The following CEP78 variants were observed in gnomAD, a reference collection of about 807,000 sequenced individuals.
CEP78 encodes centrosomal protein 78.
A neutral mutation model predicts 81.2 loss-of-function variants in CEP78; 76 were observed. That is an observed-to-expected ratio of 0.94 (90% CI 0.78 to 1.13). CEP78 has a LOEUF of 1.13. Ranked by LOEUF, CEP78 falls within the 50% of genes most tolerant of loss-of-function variation. The pLI is 0.00. For missense variants in CEP78, 918 were observed against 846.8 expected (o/e 1.08, Z -1.04); for synonymous variants, 293 against 301.4 (o/e 0.97, Z 0.29).
chr9:78,248,168 T>C lies in CEP78; in HGVS notation c.893-123T>C, dbSNP rs1239287188. 4.5e-6 allele frequency: 3 copies of C among 673,262 alleles called. No individual in the cohort carries two copies. In the African/African-American group the frequency reaches 5.5e-5, roughly 12 times the overall value. The allele number at this position is 673,262 out of a possible 1,614,324, so 41.7% of individuals were successfully genotyped here. ...AAGGGGGAAAAGGTATTTAATTACA[T>C]TATGTGGAATTCATATTCAATTTCA... On this transcript the variant is annotated intron_variant, in intron 6 of 16. Transcript: ENST00000643273.
At chr9:78,237,943 G>A (rs1434708385) in intron 1 of CEP78, among the ~76,000 whole-genome samples, 2 of 98,466 alleles carry the variant, frequency 2.0e-5, no homozygotes, top group Non-Finnish European at 3.9e-5. Flanking sequence ...AACCCCATCT[G>A]TACTAAAAAT....
At chr9:78,253,301 T>A in intron 10 of CEP78, 24 bp downstream of exon 10, 1 of 1,094,498 alleles carries the variant, frequency 9.1e-7, no homozygotes, top group Non-Finnish European at 1.4e-6. Flanking sequence ...ATGTTTATAA[T>A]ATGTAGGGGA....
At chr9:78,270,743 C>G in intron 16 of CEP78, 98 bp from the exon 17 acceptor site, 1 of 601,176 alleles carries the variant, frequency 1.7e-6, no homozygotes, top group Non-Finnish European at 3.0e-6. Context: ...AGAGGATCGG[C>G]ATGATAGGAG....
chr9:78,255,935 A>G (rs1312324380), intron 11 of CEP78, among the ~76,000 whole-genome samples: 1 of 152,214 alleles, frequency 6.6e-6, no homozygotes, highest in African/African-American at 2.4e-5. Context: ...TGGGGAGACC[A>G]AGAAGGTTAG....
intron 11 of CEP78, among the ~76,000 whole-genome samples, chr9:78,261,314 G>A (rs1008645589): frequency 6.6e-6 from 1 of 152,144 alleles, no homozygotes; most frequent in Non-Finnish European, 1.5e-5. Context: ...TCAAGCCCTT[G>A]ATATTCAAGG....
chr9:78,265,625 T>C, intron 14 of CEP78, 82 bp downstream of exon 14: 1 of 1,314,376 alleles, frequency 7.6e-7, no homozygotes, highest in Non-Finnish European at 1.0e-6. Flanking sequence ...AAAAGAATAA[T>C]GATCTGTGCA....
chr9:78,253,507 G>T (rs1826864649), intron 10 of CEP78: 6 of 428,194 alleles, frequency 1.4e-5, no homozygotes, highest in Admixed American at 1.1e-4. Context: ...ATTTCTCTGG[G>T]TCCACAAATC....
chr9:78,268,248 C>T (rs1006459787), intron 16 of CEP78, among the ~76,000 whole-genome samples: 2 of 152,044 alleles, frequency 1.3e-5, no homozygotes, highest in African/African-American at 4.8e-5. Flanking sequence ...GAAGGATACT[C>T]AGGGCAGAGG....
chr9:78,237,711 G>C (rs1263803374), intron 1 of CEP78, among the ~76,000 whole-genome samples: 1 of 152,130 alleles, frequency 6.6e-6, no homozygotes, highest in Admixed American at 6.6e-5. Flanking sequence ...TGATGAGATG[G>C]AATTTCCGTA....
chr9:78,264,204 C>T lies in CEP78; in HGVS notation c.1513C>T (p.Leu505Phe). The T allele has an allele frequency of 6.3e-7, 1 of 1,584,632 alleles. No individual in the cohort carries two copies. Among genetic ancestry groups the T allele is most frequent in the Non-Finnish European group, 8.6e-7 (1 of 1,166,712 alleles). The part of the protein sequence containing the change: ...RNINFSLSEA[L>F]HAQSLTNMIL... ...TATAAATTTCTCTTTGTCTGAAGCCCTTCATGCACAGTCATTGACAAATAT... is the reference window on the plus strand; with the variant it reads ...TATAAATTTCTCTTTGTCTGAAGCCTTTCATGCACAGTCATTGACAAATAT... Residue 505 changes from leucine (L) to phenylalanine (F), a missense_variant, in exon 13 of 17, where the codon CTT becomes TTT. Coordinates refer to ENST00000643273, the MANE Select transcript of CEP78 (RefSeq NM_001330691.3).
At chr9:78,255,883 C>A (rs904673084) in intron 11 of CEP78, among the ~76,000 whole-genome samples, 7 of 151,980 alleles carry the variant, frequency 4.6e-5, no homozygotes, top group African/African-American at 1.7e-4. Flanking sequence ...TTTTCTTCAC[C>A]AGGGGATTAG....
intron 16 of CEP78, among the ~76,000 whole-genome samples, chr9:78,269,908 A>G (rs1400120144): frequency 6.6e-6 from 1 of 152,244 alleles, no homozygotes; most frequent in Non-Finnish European, 1.5e-5. Flanking sequence ...AAGCAGGGAC[A>G]TGAGATACTT....
chr9:78,253,160 G>A (rs1408645721), intron 9 of CEP78, 72 bp from the exon 10 acceptor site: 5 of 735,404 alleles, frequency 6.8e-6, no homozygotes, highest in Admixed American at 4.0e-5. Context: ...ATACTAGCAA[G>A]TGTTATTACC....
At position 78,241,586 on chromosome 9, in the gene CEP78, A is replaced by G. The variant is rs1826230304; in HGVS notation, c.500-110A>G. 1.5e-5 allele frequency: 8 copies of G among 521,984 alleles called. No homozygotes were observed. In the South Asian group the frequency reaches 2.5e-4, roughly 16 times the overall value. 32.3% of individuals were successfully genotyped at this position (521,984 alleles called of 1,614,324 possible). A position where few individuals can be genotyped will look rare whatever the true frequency, so the allele number is the denominator to read the frequency against. On this transcript the variant is annotated intron_variant, in intron 3 of 16. Coordinates refer to ENST00000643273, the MANE Select transcript of CEP78 (RefSeq NM_001330691.3). Reference sequence around the variant, plus strand: ...TAGGTAGATTGTAAATAGTGATTTTAAGAATACAACTATAAAATAGAAAAG... The same window carrying G: ...TAGGTAGATTGTAAATAGTGATTTTGAGAATACAACTATAAAATAGAAAAG...
rs1825937981 is a variant in CEP78, at chr9:78,236,437, G to T, written c.87G>T (p.Val29=). 1 of 1,601,908 alleles carries T rather than the reference G, an allele frequency of 6.2e-7. No individual in the cohort carries two copies. The highest frequency in any genetic ancestry group is 1.3e-5 in the African/African-American group (1 of 74,884). The change falls in exon 1 of 17, where the codon GTG becomes GTT. Residue 29 remains valine (V), a synonymous_variant. Coordinates refer to ENST00000643273, the MANE Select transcript of CEP78 (RefSeq NM_001330691.3). ...YEYLCALQNS[V]PLPAVRACLR... The stretch of plus-strand genomic sequence containing the variant: ...ACCTGTGCGCGCTGCAGAACTCGGT[G>T]CCGCTGCCCGCCGTGCGCGCCTGTC...
chr9:78,242,200 A>T lies in CEP78; in HGVS notation c.603+401A>T, dbSNP rs186229104. ...ATGGCCTGTGGACCAAATCTAGCCT[A>T]TCACCTATTTTTGTAAATAAAGTTT... On this transcript the variant is annotated intron_variant, in intron 4 of 16. Coordinates refer to ENST00000643273, the MANE Select transcript of CEP78 (RefSeq NM_001330691.3). Among the ~76,000 whole-genome samples the T allele has an allele frequency of 3.0e-4, 46 of 152,240 alleles. No homozygotes were observed. In the East Asian group the frequency reaches 8.5e-3, roughly 28 times the overall value.
intron 1 of CEP78, among the ~76,000 whole-genome samples, chr9:78,237,955 C>CAAAAAAAAA (rs557546978): frequency 3.2e-4 from 34 of 106,016 alleles, no homozygotes; most frequent in Non-Finnish European, 3.8e-4. Context: ...ACTAAAAATA[C>CAAAAAAAAA]AAAAAAAAAA....
At chr9:78,243,910 T>C (rs942991688) in intron 5 of CEP78, among the ~76,000 whole-genome samples, 4 of 151,910 alleles carry the variant, frequency 2.6e-5, no homozygotes, top group African/African-American at 9.7e-5. Context: ...TTCCTGCAGA[T>C]ACATTTGTGT....
intron 6 of CEP78, among the ~76,000 whole-genome samples, chr9:78,247,604 T>G (rs1221317482): frequency 6.6e-6 from 1 of 151,900 alleles, no homozygotes; most frequent in Non-Finnish European, 1.5e-5. Context: ...CATGGGAGGA[T>G]TTTGAGCTGG....
Sources: gnomAD v4.1 joint callset for allele counts (sites outside exome capture counted in the v4.1 genomes callset) on GRCh38, gnomAD v4.1.1 for gene constraint, MANE v1.5 for transcripts, NCBI Gene and HGNC (gene_info 2026-07-23, HGNC 2026-07-21) for gene names.